SGK3: variants seen among roughly 807,000 people sequenced by gnomAD.
SGK3 encodes serum/glucocorticoid regulated kinase family member 3, also known as serine/threonine-protein kinase Sgk3.
In SGK3, 47 loss-of-function variants were observed where a neutral mutation model predicts 68.5. The observed-to-expected ratio is 0.69, with a 90% CI of 0.54 to 0.87. The LOEUF is 0.87. SGK3 is among the 40% of genes least tolerant of loss of function. The pLI is 0.00. For synonymous variants in SGK3, 181 were observed against 189.1 expected (o/e 0.96, Z 0.35); for missense variants, 479 against 575.5 (o/e 0.83, Z 1.72).
chr8:66,785,317 G>A, intron 1 of SGK3, among the ~76,000 whole-genome samples: 1 of 152,312 alleles, frequency 6.6e-6, no homozygotes, highest in South Asian at 2.1e-4. Context: ...ACTACTCTTC[G>A]TAGCTGAGGT....
At chr8:66,733,338 A>T (rs1334121843) in intron 1 of SGK3, among the ~76,000 whole-genome samples, 1 of 152,210 alleles carries the variant, frequency 6.6e-6, no homozygotes, top group Non-Finnish European at 1.5e-5. Context: ...CATCTTCTTC[A>T]GTAGTATAGT....
intron 16 of SGK3, among the ~76,000 whole-genome samples, chr8:66,857,688 C>T (rs1356657482): frequency 6.6e-6 from 1 of 151,894 alleles, no homozygotes; most frequent in Non-Finnish European, 1.5e-5. Flanking sequence ...AAGGCTAAGG[C>T]AGGATGATCC....
chr8:66,717,966 G>A lies in SGK3; in HGVS notation c.-122+5133G>A, dbSNP rs770227581. ...TCCACCCGCCTTGGCCTCCCAAAGT[G>A]CTGGGATTACAGGCGTGAGCCACTG... On this transcript the variant is annotated intron_variant, in intron 1 of 16. Coordinates refer to ENST00000521198, the MANE Select transcript of SGK3 (RefSeq NM_001033578.3). Among the ~76,000 whole-genome samples the A allele has an allele frequency of 1.6e-4, 24 of 152,146 alleles. No homozygotes were observed. In the Middle Eastern group the frequency reaches 0.01, roughly 65 times the overall value.
chr8:66,845,669 G>A (rs897110956), intron 14 of SGK3, among the ~76,000 whole-genome samples: 4 of 151,658 alleles, frequency 2.6e-5, no homozygotes, highest in Non-Finnish European at 4.4e-5. Context: ...TGGACTACAG[G>A]CATGCACCAC....
intron 1 of SGK3, among the ~76,000 whole-genome samples, chr8:66,718,790 A>G (rs1370082963): frequency 1.3e-5 from 2 of 152,090 alleles, no homozygotes; most frequent in African/African-American, 4.8e-5. Context: ...AGCTTCCCAA[A>G]GTGCTGGAAT....
intron 2 of SGK3, among the ~76,000 whole-genome samples, chr8:66,794,413 A>G (rs1276370752): frequency 6.6e-6 from 1 of 152,070 alleles, no homozygotes; most frequent in Admixed American, 6.5e-5. Flanking sequence ...GCTGAAACAT[A>G]CAATATTGTA....
intron 1 of SGK3, among the ~76,000 whole-genome samples, chr8:66,774,766 G>A (rs1485469609): frequency 2.6e-5 from 4 of 152,086 alleles, no homozygotes; most frequent in African/African-American, 9.7e-5. Flanking sequence ...GAATTGCTTC[G>A]TTTCTTTGCT....
At chr8:66,840,147 T>C (rs1809741884) in intron 11 of SGK3, 32 bp downstream of exon 11, 1 of 1,600,442 alleles carries the variant, frequency 6.2e-7, no homozygotes, top group Admixed American at 1.7e-5. Flanking sequence ...GTAAAAATTG[T>C]ATATAACAAT....
chr8:66,713,863 G>C (rs1804561924), intron 1 of SGK3, among the ~76,000 whole-genome samples: 1 of 152,178 alleles, frequency 6.6e-6, no homozygotes, highest in Admixed American at 6.6e-5. Context: ...TTAGCACCGG[G>C]TGTGCCTTCT....
chr8:66,757,983 CTATATG>C (rs1453731088), intron 1 of SGK3, among the ~76,000 whole-genome samples: 1 of 146,002 alleles, frequency 6.8e-6, no homozygotes, highest in Non-Finnish European at 1.5e-5. Context: ...TACACACACA[CTATATG>C]TATATATATA....
At chr8:66,759,459 T>G (rs1806089019) in intron 1 of SGK3, among the ~76,000 whole-genome samples, 1 of 150,698 alleles carries the variant, frequency 6.6e-6, no homozygotes, top group Non-Finnish European at 1.5e-5. Context: ...TGAGACAGAG[T>G]CTGGCTGTGT....
chr8:66,805,244 G>T (rs550845937), intron 4 of SGK3, among the ~76,000 whole-genome samples: 2 of 152,170 alleles, frequency 1.3e-5, no homozygotes, highest in Non-Finnish European at 2.9e-5. Context: ...CCTAAGCCGG[G>T]CACGGTGGCT....
At chr8:66,779,614 T>A (rs545253137) in intron 1 of SGK3, among the ~76,000 whole-genome samples, 6 of 141,550 alleles carry the variant, frequency 4.2e-5, no homozygotes, top group South Asian at 2.2e-4. Flanking sequence ...AACACATTTT[T>A]TATATATATA....
intron 1 of SGK3, among the ~76,000 whole-genome samples, chr8:66,742,947 G>A (rs2130403179): frequency 6.6e-6 from 1 of 152,130 alleles, no homozygotes; most frequent in Admixed American, 6.5e-5. Context: ...TTGTTTTCCT[G>A]CTTTTGAGCC....
chr8:66,828,753 C>CT, intron 7 of SGK3, 50 bp downstream of exon 7: 1 of 1,598,498 alleles, frequency 6.3e-7, no homozygotes, highest in Non-Finnish European at 8.6e-7. Context: ...TTAGGAAGAT[C>CT]TTTTTTGAGC....
chr8:66,843,484 C>T lies in SGK3; in HGVS notation c.1011C>T (p.Pro337=). 6.2e-7 allele frequency: 1 copy of T among 1,613,822 alleles called. No homozygotes were observed. The highest frequency in any genetic ancestry group is 1.1e-5 in the South Asian group (1 of 91,052). Residue 337 remains proline (P), a synonymous_variant, in exon 14 of 17, where the codon CCC becomes CCT. Transcript: ENST00000521198. Reference sequence around the variant, plus strand: ...CACCTGAAGTAATTAGAAAACAGCCCTATGACAATACTGTAGATTGGTGGT... The same window carrying T: ...CACCTGAAGTAATTAGAAAACAGCCTTATGACAATACTGTAGATTGGTGGT... The part of the protein sequence containing the change: ...YLAPEVIRKQ[P]YDNTVDWWCL...
At chr8:66,858,579 G>A (rs1459173158) in intron 16 of SGK3, among the ~76,000 whole-genome samples, 5 of 152,028 alleles carry the variant, frequency 3.3e-5, no homozygotes, top group South Asian at 2.1e-4. Context: ...TCAGTGACAA[G>A]CCTTGAGATT....
intron 1 of SGK3, among the ~76,000 whole-genome samples, chr8:66,751,650 A>C (rs987326173): frequency 2.0e-5 from 3 of 152,126 alleles, no homozygotes; most frequent in African/African-American, 7.2e-5. Flanking sequence ...ATCTACACTT[A>C]ATAAATGTGG....
Position 66,847,467 on chromosome 8 carries a change from G to GA in SGK3, c.1230+126dup. The GA allele has an allele frequency of 8.4e-6, 12 of 1,420,916 alleles. No homozygotes were observed. In the East Asian group the frequency reaches 1.5e-4, roughly 18 times the overall value. 88.0% of individuals were successfully genotyped at this position (1,420,916 alleles called of 1,614,324 possible). The stretch of plus-strand genomic sequence containing the variant: ...ACAATATGCGGAGAATAGCAACATG[G>GA]AAAAAAAGCATACTTGTCTCCACAG... On this transcript the variant is annotated intron_variant, in intron 15 of 16. Transcript: ENST00000521198.
Sources: allele counts gnomAD v4.1 joint callset (sites outside exome capture counted in the v4.1 genomes callset), GRCh38; gene constraint gnomAD v4.1.1; transcripts MANE v1.5; gene names NCBI Gene and HGNC (gene_info 2026-07-23, HGNC 2026-07-21).